The following SLC1A5 variants were observed in gnomAD, a reference collection of about 807,000 sequenced individuals.
SLC1A5 encodes neutral amino acid transporter B(0).
SLC1A5 carries 25 observed loss-of-function variants against 34.9 expected under a neutral mutation model. That is an observed-to-expected ratio of 0.72 (90% CI 0.52 to 1.00). SLC1A5 has a LOEUF of 1.00. SLC1A5 is among the 50% of genes least tolerant of loss of function. SLC1A5 has a pLI of 0.00. For missense variants in SLC1A5, 637 were observed against 740.0 expected, an observed-to-expected ratio of 0.86 and a Z score of 1.61; for synonymous variants, 351 against 341.2, an observed-to-expected ratio of 1.03 and a Z score of -0.32.
chr19:46,784,358 C>T (rs925684722), intron 2 of SLC1A5, among the ~76,000 whole-genome samples, 159 bp downstream of exon 2: 4 of 152,134 alleles, frequency 2.6e-5, no homozygotes, highest in Non-Finnish European at 5.9e-5. Flanking sequence ...TACCCAGAGT[C>T]ACACAGCTAG....
intron 5 of SLC1A5, 40 bp downstream of exon 5, chr19:46,778,635 C>T (rs748353574): frequency 3.6e-6 from 5 of 1,372,952 alleles, no homozygotes; most frequent in African/African-American, 2.9e-5. Flanking sequence ...TGCCGCTTAG[C>T]GGATTAAACA....
At position 46,782,568 on chromosome 19, in the gene SLC1A5, T is replaced by A. The variant is rs2055155843; in HGVS notation, c.658-19A>T. 1.2e-6 allele frequency: 2 copies of A among 1,613,068 alleles called. No homozygotes were observed. The highest frequency in any genetic ancestry group is 1.3e-5 in the African/African-American group (1 of 74,782). On this transcript the variant is annotated intron_variant, in intron 3 of 7. Transcript: ENST00000542575. ...CGGGCACCTGTGGGCAAGGAACAGATCGGGGTGGAAAGGACACTCAGTCTA... is the reference window on the plus strand; with the variant it reads ...CGGGCACCTGTGGGCAAGGAACAGAACGGGGTGGAAAGGACACTCAGTCTA...
rs1182914393 is a variant in SLC1A5 at position 46,775,617 on chromosome 19, G to A, written c.1519C>T (p.Leu507=). Residue 507 remains leucine, a synonymous_variant, in exon 8 of 8, where the codon CTG becomes TTG. Coordinates refer to ENST00000542575, the MANE Select transcript of SLC1A5 (RefSeq NM_005628.3). ...ELIQVKSELP[L]DPLPVPTEEG... ...TCAGTGGGGACTGGCAGCGGATCCA[G>A]GGGCAGCTCACTCTTCACTTGTATC... 2.5e-6 allele frequency: 4 copies of A among 1,614,122 alleles called. No individual in the cohort carries two copies. The highest frequency in any genetic ancestry group is 1.3e-5 in the African/African-American group (1 of 75,040).
In SLC1A5 at chr19:46,788,491, G is replaced by T. The variant is rs2055202770; in HGVS notation, c.-526C>A. 1.3e-5 allele frequency: 2 copies of T among 153,526 alleles called. No homozygotes were observed. The highest frequency in any genetic ancestry group is 4.8e-5 in the African/African-American group (2 of 41,488). The allele number at this position is 153,526 out of a possible 1,614,324, so 9.5% of individuals were successfully genotyped here. ...ACAGGGGACCCAGGCTCTTAGGTCC[G>T]GGAGGGTGGGATGCGGGCCCCTGTG... On this transcript the variant is annotated 5_prime_UTR_variant, in exon 1 of 8. Coordinates refer to ENST00000542575, the MANE Select transcript of SLC1A5 (RefSeq NM_005628.3).
At chr19:46,778,426 G>T (rs771914977) in intron 5 of SLC1A5, among the ~76,000 whole-genome samples, 13 of 152,064 alleles carry the variant, frequency 8.5e-5, no homozygotes, top group Non-Finnish European at 1.6e-4. Context: ...AGACGCCATT[G>T]TTTAAAACAA....
At position 46,775,563 on chromosome 19, in the gene SLC1A5, G is replaced by C. The variant is rs571662416; in HGVS notation, c.1573C>G (p.Arg525Gly). 6.2e-7 allele frequency: 1 copy of C among 1,614,086 alleles called. No individual in the cohort carries two copies. The highest frequency in any genetic ancestry group is 8.5e-7 in the Non-Finnish European group (1 of 1,180,004). ...EEGNPLLKHY[R>G]GPAGDATVAS... ...ACCGTGGCATCCCCTGCGGGCCCCC[G>C]ATAGTGTTTGAGGAGGGGGTTTCCT... Residue 525 changes from arginine to glycine, a missense_variant, in exon 8 of 8, where the codon CGG becomes GGG. Transcript: ENST00000542575.
chr19:46,784,589 A>C, intron 1 of SLC1A5, 30 bp from the exon 2 acceptor site: 1 of 1,614,004 alleles, frequency 6.2e-7, no homozygotes, highest in Non-Finnish European at 8.5e-7. Context: ...GAGGGTTATT[A>C]GATACCATAG....
At chr19:46,780,184 A>G (rs1331048176) in intron 4 of SLC1A5, among the ~76,000 whole-genome samples, 3 of 151,722 alleles carry the variant, frequency 2.0e-5, no homozygotes, top group Non-Finnish European at 4.4e-5. Flanking sequence ...AACAAAAAAA[A>G]TGAGCTAGGC....
In SLC1A5 at chr19:46,775,069, A is replaced by ACACACACACACACGTG; in HGVS notation, c.*440_*441insCACGTGTGTGTGTGTG. 2.0e-6 allele frequency: 2 copies of ACACACACACACACGTG among 985,370 alleles called. No individual in the cohort carries two copies. The highest frequency in any genetic ancestry group is 3.5e-5 in the African/African-American group (2 of 57,026). 61.0% of individuals were successfully genotyped at this position (985,370 alleles called of 1,614,324 possible). ...GGTCACAGAACACACACACACACAC[A>ACACACACACACACGTG]CACACACACACACACACACACGTGC... On this transcript the variant is annotated 3_prime_UTR_variant, in exon 8 of 8. Coordinates refer to ENST00000542575, the MANE Select transcript of SLC1A5 (RefSeq NM_005628.3).
chr19:46,787,873 T>C lies in SLC1A5; in HGVS notation c.93A>G (p.Gln31=). ...CGCAGTAGCCGCCTGCTGCCGCGCC[T>C]TGGTCCTCGATGGAGGCCAGCGCCA... ...GGLALASIED[Q]GAAAGGYCGS... is the part of the protein sequence containing the mutation. The change falls in exon 1 of 8, where the codon CAA becomes CAG. Residue 31 remains glutamine, a synonymous_variant. Transcript: ENST00000542575. This position sits in a 1 kb window ranked among gnomAD's most constrained non-coding sequence, Gnocchi z 5.2. The C allele has an allele frequency of 6.4e-7, 1 of 1,563,078 alleles. No individual in the cohort carries two copies. Among genetic ancestry groups the C allele is most frequent in the Non-Finnish European group, 8.7e-7 (1 of 1,154,854 alleles).
Position 46,787,333 on chromosome 19 carries a change from C to T in SLC1A5, c.566+67G>A. On this transcript the variant is annotated intron_variant, in intron 1 of 7. Coordinates refer to ENST00000542575, the MANE Select transcript of SLC1A5 (RefSeq NM_005628.3). The surrounding 1 kb of genome is among the most constrained non-coding windows in gnomAD (Gnocchi z 5.2). The stretch of plus-strand genomic sequence containing the variant: ...GCTCCAGGGGCCCCAAAGCCCCGTC[C>T]TGTCCACGTGACCACTCCCGCCATC... 6.5e-7 allele frequency: 1 copy of T among 1,545,334 alleles called. No homozygotes were observed. Among genetic ancestry groups the T allele is most frequent in the South Asian group, 1.2e-5 (1 of 83,688 alleles).
rs766243500 is a variant in SLC1A5, at chr19:46,787,459, C to T, written c.507G>A (p.Ala169=). The T allele has an allele frequency of 4.9e-5, 78 of 1,599,072 alleles. No individual in the cohort carries two copies. The South Asian group carries it at 8.0e-4, about 16-fold the overall frequency. The change falls in exon 1 of 8, where the codon GCG becomes GCA. Residue 169 remains alanine (A), a synonymous_variant. Transcript: ENST00000542575. The surrounding 1 kb of genome is among the most constrained non-coding windows in gnomAD (Gnocchi z 5.2). Reference sequence around the variant, plus strand: ...TGCTGGGGGCATTTTCGGCACTGCCCGCGGCTCCCACGGAGGCGTTGATGG... The same window carrying T: ...TGCTGGGGGCATTTTCGGCACTGCCTGCGGCTCCCACGGAGGCGTTGATGG... ...SAAINASVGA[A]GSAENAPSKE... is the part of the protein sequence containing the mutation.
At chr19:46,783,466 CAAAAA>C (rs113636275) in intron 3 of SLC1A5, among the ~76,000 whole-genome samples, 3 of 99,810 alleles carry the variant, frequency 3.0e-5, no homozygotes, top group Non-Finnish European at 4.0e-5. Flanking sequence ...AATTCTGTCT[CAAAAA>C]AAAAAAAAAA....
Position 46,787,275 on chromosome 19 carries a change from C to T in SLC1A5, c.566+125G>A. 6.8e-7 allele frequency: 1 copy of T among 1,463,576 alleles called. No individual in the cohort carries two copies. The highest frequency in any genetic ancestry group is 9.0e-7 in the Non-Finnish European group (1 of 1,106,828). The allele number at this position is 1,463,576 out of a possible 1,614,324, so 90.7% of individuals were successfully genotyped here. A position where few individuals can be genotyped will look rare whatever the true frequency, so the allele number is the denominator to read the frequency against. On this transcript the variant is annotated intron_variant, in intron 1 of 7. Coordinates refer to ENST00000542575, the MANE Select transcript of SLC1A5 (RefSeq NM_005628.3). This position sits in a 1 kb window ranked among gnomAD's most constrained non-coding sequence, Gnocchi z 5.2. ...CTGGAGCCTCCCCTCAATATCCTGT[C>T]GAGTTTTCCTAAGACTCTAGAGGGA...
In SLC1A5 at chr19:46,782,376, CACCTA is replaced by C; in HGVS notation, c.824+2_824+6del. 1 of 1,604,462 alleles carries C rather than the reference CACCTA, an allele frequency of 6.2e-7. No individual in the cohort carries two copies. Among genetic ancestry groups the C allele is most frequent in the Non-Finnish European group, 8.5e-7 (1 of 1,173,590 alleles). On this transcript the variant is annotated splice_donor_variant and splice_donor_5th_base_variant and intron_variant, in intron 4 of 7. Coordinates refer to ENST00000542575, the MANE Select transcript of SLC1A5 (RefSeq NM_005628.3). LOFTEE classifies it high-confidence loss of function. ...ACCCACCCCCAGCCTCCTCTCCCAC[CACCTA>C]CCACATGATCCAGGAGACCAGAACC...
At position 46,777,295 on chromosome 19, in the gene SLC1A5, G is replaced by T. The variant is rs2055099452; in HGVS notation, c.1169C>A (p.Ala390Asp). ...TGCGGCCACGCACTGGAAGAGCGCG[G>T]CACCGTCCATGTTGACGGTGGCGCC... ...PIGATVNMDG[A>D]ALFQCVAAVF... The change falls in exon 6 of 8, where the codon GCC (alanine) becomes GAC (aspartate). Residue 390 changes from alanine to aspartate, a missense_variant. Coordinates refer to ENST00000542575, the MANE Select transcript of SLC1A5 (RefSeq NM_005628.3). 1 of 1,613,558 alleles carries T rather than the reference G, an allele frequency of 6.2e-7. No homozygotes were observed. Among genetic ancestry groups the T allele is most frequent in the African/African-American group, 1.3e-5 (1 of 74,918 alleles).
chr19:46,779,045 G>A (rs766888043), intron 4 of SLC1A5, 137 bp from the exon 5 acceptor site: 56 of 615,696 alleles, frequency 9.1e-5, no homozygotes, highest in Admixed American at 1.6e-4. Context: ...TTCAGCATGG[G>A]CACCACTCCC....
In SLC1A5 at chr19:46,787,578, A is replaced by T; in HGVS notation, c.388T>A (p.Trp130Arg). 1 of 1,565,114 alleles carries T rather than the reference A, an allele frequency of 6.4e-7. No homozygotes were observed. The highest frequency in any genetic ancestry group is 1.2e-5 in the South Asian group (1 of 86,172). Reference protein sequence around the residue: ...DPGALGRLGAWALLFFLVTTL... With the variant: ...DPGALGRLGARALLFFLVTTL... ...GTGACCAGGAAAAAGAGCAGCGCCCAGGCGCCCAGACGGCCGAGCGCGCCG... is the reference window on the plus strand; with the variant it reads ...GTGACCAGGAAAAAGAGCAGCGCCCTGGCGCCCAGACGGCCGAGCGCGCCG... Residue 130 changes from tryptophan to arginine, a missense_variant, in exon 1 of 8, where the codon TGG becomes AGG. By Grantham distance (101) the Trp-to-Arg change is moderately radical. Transcript: ENST00000542575. The surrounding 1 kb of genome is among the most constrained non-coding windows in gnomAD (Gnocchi z 5.2).
At chr19:46,778,440 A>G (rs1327088629) in intron 5 of SLC1A5, among the ~76,000 whole-genome samples, 2 of 152,046 alleles carry the variant, frequency 1.3e-5, no homozygotes, top group African/African-American at 4.8e-5. Context: ...AAAACAAAAG[A>G]AAAAAAAGAG....
Sources: gnomAD v4.1 joint callset for allele counts (sites outside exome capture counted in the v4.1 genomes callset) on GRCh38, gnomAD v4.1.1 for gene constraint, Gnocchi (gnomAD v3.1) non-coding constraint, MANE v1.5 for transcripts, NCBI Gene and HGNC (gene_info 2026-07-23, HGNC 2026-07-21) for gene names.